Variants in ZFHX3 observed in about 807,000 individuals in gnomAD.
The protein encoded by ZFHX3 is zinc finger homeobox 3.
ZFHX3 carries 42 observed loss-of-function variants against 279.1 expected under a neutral mutation model. That is an observed-to-expected ratio of 0.15 (90% CI 0.12 to 0.19). ZFHX3 has a LOEUF of 0.19. ZFHX3 is among the 10% of genes least tolerant of loss of function. The pLI, the probability that ZFHX3 is intolerant of heterozygous loss-of-function variation, is 1.00. For missense variants in ZFHX3, 4,981 were observed against 4,754.0 expected, an observed-to-expected ratio of 1.05 and a Z score of -1.40; for synonymous variants, 2,293 against 1,957.8, an observed-to-expected ratio of 1.17 and a Z score of -4.52.
intron 4 of ZFHX3, among the ~76,000 whole-genome samples, chr16:72,835,109 TC>T (rs1465215610): frequency 6.6e-6 from 1 of 152,138 alleles, no homozygotes; most frequent in Admixed American, 6.5e-5. Context: ...CAATCTGTGA[TC>T]CCCGAAGAAT....
chr16:73,881,324 T>C (rs1314874222), intron 1 of ZFHX3, among the ~76,000 whole-genome samples: 1 of 152,180 alleles, frequency 6.6e-6, no homozygotes, highest in Non-Finnish European at 1.5e-5. Context: ...AATTCTCTTA[T>C]GTTTCTGCAT....
intron 8 of ZFHX3, among the ~76,000 whole-genome samples, chr16:73,090,394 A>G (rs1966058329): frequency 6.6e-6 from 1 of 152,252 alleles, no homozygotes; most frequent in African/African-American, 2.4e-5. Flanking sequence ...GTCTCAAATT[A>G]AGTAAATAAA....
intron 2 of ZFHX3, among the ~76,000 whole-genome samples, chr16:73,480,848 A>G (rs2143625098): frequency 6.6e-6 from 1 of 152,288 alleles, no homozygotes. Context: ...ATAAATATAT[A>G]AATATTTTAC....
chr16:73,726,455 C>G (rs191875152), intron 1 of ZFHX3, among the ~76,000 whole-genome samples: 3 of 152,286 alleles, frequency 2.0e-5, no homozygotes, highest in East Asian at 3.9e-4. Flanking sequence ...GTCCTATGCA[C>G]TGGGGGTTTG....
chr16:73,570,164 A>G (rs1479100866), intron 2 of ZFHX3, among the ~76,000 whole-genome samples: 2 of 152,222 alleles, frequency 1.3e-5, no homozygotes, highest in Admixed American at 1.3e-4. Flanking sequence ...GTTAAGAAAT[A>G]CACTTGCTCT....
intron 4 of ZFHX3, among the ~76,000 whole-genome samples, chr16:73,292,172 G>C (rs973094871): frequency 2.0e-5 from 3 of 152,200 alleles, no homozygotes; most frequent in African/African-American, 4.8e-5. Flanking sequence ...GCCCATGTTA[G>C]AAGACAGAAG....
intron 1 of ZFHX3, among the ~76,000 whole-genome samples, chr16:73,804,612 C>T (rs1031955559): frequency 6.6e-6 from 1 of 152,098 alleles, no homozygotes; most frequent in African/African-American, 2.4e-5. Flanking sequence ...TAATTTACAA[C>T]CCTCAGAGGC....
At chr16:73,596,973 A>G (rs1386183966) in intron 2 of ZFHX3, among the ~76,000 whole-genome samples, 1 of 152,152 alleles carries the variant, frequency 6.6e-6, no homozygotes, top group Non-Finnish European at 1.5e-5. Flanking sequence ...ATGCCAAACA[A>G]AAGTTCAGAG....
intron 2 of ZFHX3, chr16:73,504,750 G>A (rs2019295105): frequency 6.6e-6 from 1 of 152,214 alleles, no homozygotes; most frequent in Admixed American, 6.5e-5. Flanking sequence ...AGCTATGAAA[G>A]CTATCAGGAT....
At chr16:73,805,767 T>A (rs145707660) in intron 1 of ZFHX3, among the ~76,000 whole-genome samples, 1 of 152,194 alleles carries the variant, frequency 6.6e-6, no homozygotes, top group Non-Finnish European at 1.5e-5. Flanking sequence ...GATGCACGTA[T>A]AATATAATGC....
intron 3 of ZFHX3, among the ~76,000 whole-genome samples, chr16:73,373,753 C>T (rs1195646076): frequency 6.6e-6 from 1 of 152,094 alleles, no homozygotes; most frequent in Non-Finnish European, 1.5e-5. Flanking sequence ...ACAAAGAGGG[C>T]TTCACAAACT....
intron 1 of ZFHX3, among the ~76,000 whole-genome samples, chr16:73,861,087 C>T (rs547375629): frequency 3.3e-5 from 5 of 151,936 alleles, no homozygotes; most frequent in South Asian, 2.1e-4. Flanking sequence ...CCTCAGCCTC[C>T]TGAGTAGCTG....
Position 73,414,857 on chromosome 16 carries a change from G to A in ZFHX3, c.-1291+41146C>T, listed in dbSNP as rs569861231. On this transcript the variant is annotated intron_variant, in intron 3 of 17. Transcript: ENST00000641206. ...TCTGAAACAAAACAAAACAAAACAAGAGGCTGGATCCCAAACCAGTACATT... is the reference window on the plus strand; with the variant it reads ...TCTGAAACAAAACAAAACAAAACAAAAGGCTGGATCCCAAACCAGTACATT... Among the ~76,000 whole-genome samples the A allele has an allele frequency of 5.3e-5, 8 of 152,066 alleles. No homozygotes were observed. In the East Asian group the frequency reaches 1.2e-3, roughly 22 times the overall value.
chr16:73,791,933 T>A (rs149109041), intron 1 of ZFHX3, among the ~76,000 whole-genome samples: 3 of 152,330 alleles, frequency 2.0e-5, no homozygotes, highest in Admixed American at 2.0e-4. Context: ...GCCTTCATAG[T>A]AGTATAATGA....
chr16:72,899,156 T>C (rs12599119), intron 3 of ZFHX3, among the ~76,000 whole-genome samples: 16,197 of 152,180 alleles, frequency 0.11, 1,096 homozygotes, highest in East Asian at 0.24. Flanking sequence ...TAGGTCCCCA[T>C]ACAAAAATAA....
chr16:73,186,555 G>GTTT (rs77914659), intron 5 of ZFHX3, among the ~76,000 whole-genome samples: 8 of 138,356 alleles, frequency 5.8e-5, no homozygotes, highest in Admixed American at 1.4e-4. Context: ...TCCAGGAAAA[G>GTTT]TTTTTTTTTT....
chr16:72,993,531 G>A (rs1963169813), intron 1 of ZFHX3, among the ~76,000 whole-genome samples: 1 of 152,104 alleles, frequency 6.6e-6, no homozygotes, highest in Admixed American at 6.6e-5. Flanking sequence ...GCACAAAAAA[G>A]AACATTGTCA....
At chr16:73,541,785 TC>T (rs2020017607) in intron 2 of ZFHX3, among the ~76,000 whole-genome samples, 1 of 120,798 alleles carries the variant, frequency 8.3e-6, no homozygotes, top group African/African-American at 3.3e-5. Context: ...TTGGTGGTTC[TC>T]TTTTTTTTTT....
At chr16:72,872,149 T>C (rs2038177624) in intron 4 of ZFHX3, among the ~76,000 whole-genome samples, 1 of 152,102 alleles carries the variant, frequency 6.6e-6, no homozygotes, top group South Asian at 2.1e-4. Flanking sequence ...TAAAATAAGA[T>C]TCCTAACATC....
Sources: allele counts gnomAD v4.1 joint callset (sites outside exome capture counted in the v4.1 genomes callset), GRCh38; gene constraint gnomAD v4.1.1; transcripts MANE v1.5; gene names NCBI Gene and HGNC (gene_info 2026-07-23, HGNC 2026-07-21).